The following CSPP1 variants were observed in gnomAD, a reference collection of about 807,000 sequenced individuals.
The protein encoded by CSPP1 is centrosome and spindle pole-associated protein 1.
A neutral mutation model predicts 164.4 loss-of-function variants in CSPP1; 126 were observed. The ratio of observed to expected loss-of-function variants is 0.77; its 90% CI spans 0.66 to 0.89. The LOEUF is 0.89. Ranked by LOEUF, CSPP1 falls within the 40% of genes least tolerant of loss-of-function variation. The pLI is 0.00. For synonymous variants in CSPP1, 472 were observed against 476.7 expected (o/e 0.99, Z 0.13); for missense variants, 1,395 against 1,449.8 (o/e 0.96, Z 0.61).
At chr8:67,164,321 T>G (rs1828907436) in intron 23 of CSPP1, 70 bp from the exon 24 acceptor site, 2 of 744,586 alleles carry the variant, frequency 2.7e-6, no homozygotes, top group Admixed American at 4.2e-5. Flanking sequence ...ATTAGTCAGG[T>G]TGTGTTTTAA....
intron 7 of CSPP1, chr8:67,099,285 G>C (rs980476592): frequency 6.6e-6 from 1 of 152,062 alleles, no homozygotes; most frequent in African/African-American, 2.4e-5. Flanking sequence ...AAAAGCCATA[G>C]AATATTTAGA....
chr8:67,132,630 G>C (rs1016872868), intron 16 of CSPP1, among the ~76,000 whole-genome samples: 1 of 152,262 alleles, frequency 6.6e-6, no homozygotes, highest in Admixed American at 6.5e-5. Flanking sequence ...AACCAGATGG[G>C]GACGTTGGGG....
rs1018831409 is a variant in CSPP1, at chr8:67,144,977, C to T, written c.1976-4806C>T. Among the ~76,000 whole-genome samples the T allele has an allele frequency of 2.7e-5, 4 of 146,202 alleles. No homozygotes were observed. In the South Asian group the frequency reaches 8.5e-4, roughly 31 times the overall value. ...GTCCCAGCTACTCAGGAAGCTGAGACAGGAGAATCATTTGAACCCAGGAGG... is the reference window on the plus strand; with the variant it reads ...GTCCCAGCTACTCAGGAAGCTGAGATAGGAGAATCATTTGAACCCAGGAGG... On this transcript the variant is annotated intron_variant, in intron 17 of 30. Transcript: ENST00000678616.
chr8:67,142,799 G>A (rs763374804), intron 17 of CSPP1, among the ~76,000 whole-genome samples: 1 of 152,150 alleles, frequency 6.6e-6, no homozygotes, highest in Non-Finnish European at 1.5e-5. Flanking sequence ...GAGGTTTCTA[G>A]TTGCTCTGAA....
intron 9 of CSPP1, among the ~76,000 whole-genome samples, chr8:67,109,177 C>T (rs147623205): frequency 1.3e-5 from 2 of 152,210 alleles, no homozygotes; most frequent in Non-Finnish European, 2.9e-5. Context: ...GGGGCAGAAT[C>T]TTCCTCTAAG....
In CSPP1 at chr8:67,105,940, A is replaced by G. The variant is rs1215587439; in HGVS notation, c.1058A>G (p.Gln353Arg). ...PDNETSKSAN[Q>R]DTCSPFAGML... ...AATGAAACATCCAAATCTGCTAATC[A>G]AGATACCTGTAGTCCTTTTGCAGGG... is the stretch of plus-strand genomic sequence containing the variant. Residue 353 changes from glutamine to arginine, a missense_variant, in exon 9 of 31, where the codon CAA (glutamine) becomes CGA (arginine). By Grantham distance (43) the Gln-to-Arg change is conservative. Coordinates refer to ENST00000678616, the MANE Select transcript of CSPP1 (RefSeq NM_001382391.1). 2 of 1,596,126 alleles carry G rather than the reference A, an allele frequency of 1.3e-6. No homozygotes were observed. Among genetic ancestry groups the G allele is most frequent in the South Asian group, 1.1e-5 (1 of 90,678 alleles).
chr8:67,190,985 G>C (rs1836061989), intron 29 of CSPP1, among the ~76,000 whole-genome samples: 1 of 152,186 alleles, frequency 6.6e-6, no homozygotes, highest in African/African-American at 2.4e-5. Flanking sequence ...TGGGGTGGCT[G>C]TAAGTAGCTC....
chr8:67,066,828 AC>A (rs1025846537), intron 1 of CSPP1, among the ~76,000 whole-genome samples: 2 of 152,036 alleles, frequency 1.3e-5, no homozygotes, highest in African/African-American at 4.8e-5. Flanking sequence ...TCACTCTGTT[AC>A]CCATGCTGGA....
At chr8:67,176,887 T>G (rs1374117893) in intron 26 of CSPP1, among the ~76,000 whole-genome samples, 1 of 151,792 alleles carries the variant, frequency 6.6e-6, no homozygotes, top group Non-Finnish European at 1.5e-5. Flanking sequence ...CTGGCCAACA[T>G]AGTGAAACCC....
rs576336344 is a variant in CSPP1, at chr8:67,146,940, T to G, written c.1976-2843T>G. Among the ~76,000 whole-genome samples the G allele has an allele frequency of 5.3e-5, 8 of 152,302 alleles. No individual in the cohort carries two copies. In the East Asian group the frequency reaches 7.7e-4, roughly 15 times the overall value. On this transcript the variant is annotated intron_variant, in intron 17 of 30. Coordinates refer to ENST00000678616, the MANE Select transcript of CSPP1 (RefSeq NM_001382391.1). ...TTTTAGCTGATTTCAAATCATTTAT[T>G]TTACCATCTCACAGAAAGACAGAAA...
At chr8:67,162,002 G>A in intron 22 of CSPP1, 87 bp downstream of exon 22, 3 of 878,600 alleles carry the variant, frequency 3.4e-6, no homozygotes, top group Admixed American at 4.3e-5. Flanking sequence ...CATTATATTT[G>A]GATAGGTTAA....
chr8:67,188,669 T>TTTGCCG (rs574357483), intron 28 of CSPP1, among the ~76,000 whole-genome samples: 47 of 152,150 alleles, frequency 3.1e-4, no homozygotes, highest in Non-Finnish European at 6.0e-4. Flanking sequence ...ACCAGTGCTG[T>TTTGCCG]TTGCCGCCGT....
chr8:67,183,854 T>A (rs1833661456), intron 28 of CSPP1, among the ~76,000 whole-genome samples: 3 of 147,014 alleles, frequency 2.0e-5, no homozygotes, highest in Admixed American at 2.0e-4. Context: ...TTTTTTTTTT[T>A]TTTTTTTTTT....
chr8:67,137,402 C>T, intron 16 of CSPP1, 54 bp from the exon 17 acceptor site: 1 of 1,251,460 alleles, frequency 8.0e-7, no homozygotes, highest in Non-Finnish European at 1.0e-6. Context: ...TTACTAACTT[C>T]TTGTATCAGA....
chr8:67,190,294 C>A (rs896092398), intron 28 of CSPP1, among the ~76,000 whole-genome samples: 1 of 152,128 alleles, frequency 6.6e-6, no homozygotes, highest in Admixed American at 6.5e-5. Context: ...ATCTCAAACA[C>A]CTTATTGCTA....
At chr8:67,111,270 C>G (rs1225081286) in intron 9 of CSPP1, among the ~76,000 whole-genome samples, 2 of 151,926 alleles carry the variant, frequency 1.3e-5, no homozygotes, top group Non-Finnish European at 2.9e-5. Context: ...TAAGGAATAC[C>G]AAGGTGAGAG....
chr8:67,159,911 TCTTTCTTTCTTTC>T lies in CSPP1; in HGVS notation c.2538+780_2538+792del, dbSNP rs1238581424. 2.8e-4 allele frequency among the ~76,000 whole-genome samples: 19 copies of T among 68,154 alleles called. 2 individuals carry two copies. The highest frequency in any genetic ancestry group is 7.9e-4 in the East Asian group (2 of 2,538). 44.7% of individuals were successfully genotyped at this position (68,154 alleles called of 152,430 possible). ...TTCTTTCTTTCTTTCTTTCTTTCTTTCTTTCTTTCTTTCCTTTCCTTCCTTCCTTCCTTCCTTC... is the reference window on the plus strand; with the variant it reads ...TTCTTTCTTTCTTTCTTTCTTTCTTTCTTTCCTTCCTTCCTTCCTTCCTTC... On this transcript the variant is annotated intron_variant, in intron 21 of 30. Transcript: ENST00000678616.
Position 67,095,445 on chromosome 8 carries a change from A to G in CSPP1, c.636A>G (p.Leu212=). 1 of 1,613,532 alleles carries G rather than the reference A, an allele frequency of 6.2e-7. No individual in the cohort carries two copies. The highest frequency in any genetic ancestry group is 2.2e-5 in the East Asian group (1 of 44,858). Reference sequence around the variant, plus strand: ...AAGAACTTCTGAACCAAAGACGACTAGAGGAGGACAGATACCGACAACTAG... The same window carrying G: ...AAGAACTTCTGAACCAAAGACGACTGGAGGAGGACAGATACCGACAACTAG... The part of the protein sequence containing the change: ...AYEELLNQRR[L]EEDRYRQLDD... Residue 212 remains leucine (L), a synonymous_variant, in exon 7 of 31, where the codon CTA becomes CTG. Coordinates refer to ENST00000678616, the MANE Select transcript of CSPP1 (RefSeq NM_001382391.1).
At chr8:67,118,435 G>A in intron 14 of CSPP1, 66 bp downstream of exon 14, 6 of 1,521,150 alleles carry the variant, frequency 3.9e-6, no homozygotes, top group Admixed American at 1.8e-5. Context: ...GTTTTTTTGT[G>A]TAAACAAAAA....
Sources: allele counts gnomAD v4.1 joint callset (sites outside exome capture counted in the v4.1 genomes callset), GRCh38; gene constraint gnomAD v4.1.1; transcripts MANE v1.5; gene names NCBI Gene and HGNC (gene_info 2026-07-23, HGNC 2026-07-21).